PPM1H: variants seen among roughly 807,000 people sequenced by gnomAD.
PPM1H encodes protein phosphatase, Mg2+/Mn2+ dependent 1H.
PPM1H carries 27 observed loss-of-function variants against 54.9 expected under a neutral mutation model. The ratio of observed to expected loss-of-function variants is 0.49; its 90% CI spans 0.36 to 0.68. The LOEUF is 0.68. Ranked by LOEUF, PPM1H falls within the 30% of genes least tolerant of loss-of-function variation. The pLI, the probability that PPM1H is intolerant of heterozygous loss-of-function variation, is 0.00. For missense variants in PPM1H, 596 were observed against 667.8 expected, an observed-to-expected ratio of 0.89 and a Z score of 1.19; for synonymous variants, 305 against 270.8, an observed-to-expected ratio of 1.13 and a Z score of -1.24.
At chr12:62,855,794 C>G (rs1869362368) in intron 1 of PPM1H, among the ~76,000 whole-genome samples, 1 of 152,128 alleles carries the variant, frequency 6.6e-6, no homozygotes, top group Non-Finnish European at 1.5e-5. Context: ...ATTCCTGACA[C>G]TGATTTTGAG....
At chr12:62,891,596 T>A (rs1565821495) in intron 1 of PPM1H, among the ~76,000 whole-genome samples, 1 of 152,188 alleles carries the variant, frequency 6.6e-6, no homozygotes, top group Non-Finnish European at 1.5e-5. Flanking sequence ...TCTGGGACAT[T>A]TTTCTAGCTG....
At chr12:62,861,678 C>A (rs953456710) in intron 1 of PPM1H, among the ~76,000 whole-genome samples, 1 of 152,224 alleles carries the variant, frequency 6.6e-6, no homozygotes, top group Non-Finnish European at 1.5e-5. Context: ...GAACCCTCAC[C>A]GCTAAGACTT....
At chr12:62,917,334 G>T (rs1031476526) in intron 1 of PPM1H, among the ~76,000 whole-genome samples, 4 of 152,216 alleles carry the variant, frequency 2.6e-5, no homozygotes, top group Non-Finnish European at 1.5e-5. Context: ...CAGACAACTT[G>T]GGGCTAAATG....
intron 6 of PPM1H, among the ~76,000 whole-genome samples, chr12:62,695,168 C>T (rs2076106957): frequency 6.6e-6 from 1 of 152,118 alleles, no homozygotes; most frequent in African/African-American, 2.4e-5. Flanking sequence ...ATTTAAAAAG[C>T]ATGCAACCCC....
chr12:62,895,252 G>T (rs1870941940), intron 1 of PPM1H, among the ~76,000 whole-genome samples: 2 of 152,176 alleles, frequency 1.3e-5, no homozygotes, highest in Non-Finnish European at 2.9e-5. Flanking sequence ...AGAAGAGAGG[G>T]CAAGCCAATA....
At chr12:62,801,685 T>C in intron 3 of PPM1H, 131 bp downstream of exon 3, 3 of 977,338 alleles carry the variant, frequency 3.1e-6, no homozygotes, top group South Asian at 1.7e-5. Flanking sequence ...AGCCCCATTA[T>C]CACAGGGGGC....
At chr12:62,741,880 G>C (rs1399905467) in intron 4 of PPM1H, among the ~76,000 whole-genome samples, 1 of 152,180 alleles carries the variant, frequency 6.6e-6, no homozygotes, top group Non-Finnish European at 1.5e-5. Flanking sequence ...ATCCAGAAAT[G>C]AGGGCCCTAC....
chr12:62,698,232 C>T (rs1205361359), intron 6 of PPM1H, among the ~76,000 whole-genome samples: 1 of 152,066 alleles, frequency 6.6e-6, no homozygotes, highest in East Asian at 1.9e-4. Context: ...TGGTTCCTGG[C>T]CTCTCCTGAA....
intron 1 of PPM1H, among the ~76,000 whole-genome samples, chr12:62,883,570 C>T (rs1695006): frequency 0.074 from 11,292 of 152,102 alleles, 1,183 homozygotes; most frequent in African/African-American, 0.23. Flanking sequence ...ACCTGACCAT[C>T]GATCTCTAAC....
At chr12:62,817,116 T>TAAAAAAAAAAAAAAAAAGAAAAAAA (rs2076870732) in intron 2 of PPM1H, among the ~76,000 whole-genome samples, 1 of 41,792 alleles carries the variant, frequency 2.4e-5, no homozygotes, top group Non-Finnish European at 4.6e-5. Flanking sequence ...ACTGCATTAC[T>TAAAAAAAAAAAAAAAAAGAAAAAAA]AAAAAAAAAA....
chr12:62,849,623 C>A (rs556351213), intron 1 of PPM1H, among the ~76,000 whole-genome samples: 1 of 152,258 alleles, frequency 6.6e-6, no homozygotes, highest in South Asian at 2.1e-4. Flanking sequence ...AAGAAAAGTT[C>A]AAGTGCCCAC....
chr12:62,736,164 G>T (rs138421781), intron 5 of PPM1H, among the ~76,000 whole-genome samples: 5 of 152,188 alleles, frequency 3.3e-5, no homozygotes, highest in Non-Finnish European at 5.9e-5. Flanking sequence ...TAGCTATAAC[G>T]AATTCTACTT....
intron 5 of PPM1H, among the ~76,000 whole-genome samples, chr12:62,723,561 G>A (rs2076274648): frequency 6.6e-6 from 1 of 152,142 alleles, no homozygotes; most frequent in Admixed American, 6.5e-5. Flanking sequence ...GTGAGAGTGA[G>A]TTCACTCTCT....
intron 1 of PPM1H, among the ~76,000 whole-genome samples, chr12:62,859,584 T>C (rs1053598445): frequency 6.6e-6 from 1 of 152,230 alleles, no homozygotes. Flanking sequence ...AGTCAAATAA[T>C]GGCCTAATTC....
intron 1 of PPM1H, among the ~76,000 whole-genome samples, chr12:62,917,506 A>G (rs1412114300): frequency 1.3e-5 from 2 of 152,240 alleles, no homozygotes; most frequent in African/African-American, 4.8e-5. Flanking sequence ...CCATGTCTCA[A>G]AATGGACATT....
chr12:62,795,655 A>G (rs1195208381), intron 3 of PPM1H, among the ~76,000 whole-genome samples: 2 of 151,894 alleles, frequency 1.3e-5, no homozygotes, highest in African/African-American at 4.8e-5. Context: ...CGTGGTCTCA[A>G]TCTCCTGACC....
chr12:62,667,392 C>T (rs2136612572), intron 8 of PPM1H, 63 bp from the exon 9 acceptor site: 1 of 1,364,468 alleles, frequency 7.3e-7, no homozygotes, highest in East Asian at 2.5e-5. Flanking sequence ...CCCTAACAAA[C>T]TGACTTCTGA....
intron 1 of PPM1H, among the ~76,000 whole-genome samples, chr12:62,921,779 T>C (rs1469695635): frequency 3.9e-5 from 6 of 152,152 alleles, no homozygotes; most frequent in Non-Finnish European, 8.8e-5. Context: ...TGAGACGCCA[T>C]CTCTAAGACA....
intron 1 of PPM1H, among the ~76,000 whole-genome samples, chr12:62,928,593 A>T (rs1179739685): frequency 2.0e-5 from 3 of 152,136 alleles, no homozygotes; most frequent in African/African-American, 7.2e-5. Context: ...ACCAAACTTG[A>T]GTCAGGCCTC....
Sources: gnomAD v4.1 joint callset for allele counts (sites outside exome capture counted in the v4.1 genomes callset) on GRCh38, gnomAD v4.1.1 for gene constraint, MANE v1.5 for transcripts, NCBI Gene and HGNC (gene_info 2026-07-23, HGNC 2026-07-21) for gene names.